The following GAREM2 variants were observed in gnomAD, a reference collection of about 807,000 sequenced individuals.
GAREM2 encodes GRB2-associated and regulator of MAPK protein 2.
A neutral mutation model predicts 55.6 loss-of-function variants in GAREM2; 30 were observed. The ratio of observed to expected loss-of-function variants is 0.54; its 90% CI spans 0.40 to 0.73. GAREM2 has a LOEUF of 0.73. Among genes scored for constraint, GAREM2 ranks in the 30% least tolerant of loss-of-function variants. The probability of loss-of-function intolerance (pLI) is 0.00; values close to 1 mark genes in which losing one functional copy is unlikely to be tolerated. For synonymous variants in GAREM2, 550 were observed against 569.1 expected, an observed-to-expected ratio of 0.97 and a Z score of 0.48; for missense variants, 1,075 against 1,257.7, an observed-to-expected ratio of 0.85 and a Z score of 2.20.
At position 26,176,345 on chromosome 2, in the gene GAREM2, G is replaced by A. The variant is rs4665830; in HGVS notation, c.114G>A (p.Gly38=). The A allele has an allele frequency of 0.71, 1,088,516 of 1,535,716 alleles. 388,805 individuals are homozygous for A. The highest frequency in any genetic ancestry group is 0.89 in the East Asian group (35,661 of 40,218). Residue 38 remains glycine (G), a splice_region_variant and synonymous_variant, in exon 2 of 6, where the codon GGG becomes GGA. Coordinates refer to ENST00000401533, the MANE Select transcript of GAREM2 (RefSeq NM_001168241.2). The part of the protein sequence containing the change: ...RLPTLACLGP[G]EYAEGVSERD... ...CTCTGTCCTCCTCCCCCTTCCCAGGGGAGTACGCCGAGGGCGTCAGTGAGC... is the reference window on the plus strand; with the variant it reads ...CTCTGTCCTCCTCCCCCTTCCCAGGAGAGTACGCCGAGGGCGTCAGTGAGC...
chr2:26,181,303 C>A, intron 2 of GAREM2: 1 of 197,344 alleles, frequency 5.1e-6, no homozygotes, highest in Non-Finnish European at 9.2e-6. Context: ...CCATCTGGGG[C>A]AGGTGGTCTG....
In GAREM2 at chr2:26,179,504, C is replaced by T. The variant is rs951813507; in HGVS notation, c.253+3020C>T. On this transcript the variant is annotated intron_variant, in intron 2 of 5. Coordinates refer to ENST00000401533, the MANE Select transcript of GAREM2 (RefSeq NM_001168241.2). The surrounding 1 kb of genome is among the most constrained non-coding windows in gnomAD (Gnocchi z 4.7). ...GGCATGGAGAAGGGTGGTCAGCAAT[C>T]CCCTGCCACAGCCCTCAGGTGCTTG... 6.6e-6 allele frequency among the ~76,000 whole-genome samples: 1 copy of T among 152,100 alleles called. No homozygotes were observed. Among genetic ancestry groups the T allele is most frequent in the Non-Finnish European group, 1.5e-5 (1 of 68,030 alleles).
the GAREM2 span, chr2:26,197,801 A>G: frequency 7.9e-4 from 916 of 1,157,108 alleles, 5 homozygotes; most frequent in African/African-American, 0.012. Flanking sequence ...GCATTTAACA[A>G]TGTGTCAGGT....
At chr2:26,191,644 G>A, downstream of GAREM2, 1 of 1,613,728 alleles carries the variant, frequency 6.2e-7, no homozygotes, top group Non-Finnish European at 8.5e-7. Flanking sequence ...AACAGAAAGA[G>A]ATGTTTAGGT....
intron 2 of GAREM2, 111 bp downstream of exon 2, chr2:26,176,595 A>C: frequency 1.9e-6 from 2 of 1,061,764 alleles, no homozygotes; most frequent in Non-Finnish European, 2.5e-6. Context: ...GATTAGGGTT[A>C]GGGTTGGAGT....
chr2:26,184,319 G>A lies in GAREM2; in HGVS notation c.471G>A (p.Ala157=). ...AGDELTLMGQ[A]EILCAKTTKE... The stretch of plus-strand genomic sequence containing the variant: ...ACGAGCTCACTCTTATGGGCCAGGC[G>A]GAGATCCTGTGCGCCAAGACCACCA... Residue 157 remains alanine (A), a synonymous_variant, in exon 4 of 6, where the codon GCG becomes GCA. Transcript: ENST00000401533. 1 of 1,550,836 alleles carries A rather than the reference G, an allele frequency of 6.4e-7. No individual in the cohort carries two copies. The highest frequency in any genetic ancestry group is 8.7e-7 in the Non-Finnish European group (1 of 1,146,772).
chr2:26,204,096 C>T, the GAREM2 span: 2 of 1,613,830 alleles, frequency 1.2e-6, no homozygotes, highest in South Asian at 1.1e-5. Context: ...CGGTCTAGCG[C>T]AGTGAGGGTG....
At chr2:26,196,476 CATATA>C in the GAREM2 span, among the ~76,000 whole-genome samples, 1 of 152,094 alleles carries the variant, frequency 6.6e-6, no homozygotes, top group Non-Finnish European at 1.5e-5. Flanking sequence ...TATATACATC[CATATA>C]ATCACTAACC....
chr2:26,195,303 C>T, the GAREM2 span: 1 of 1,266,208 alleles, frequency 7.9e-7, no homozygotes, highest in South Asian at 1.2e-5. Context: ...TCCTTCTCTG[C>T]TAGGAAAACA....
rs1022318489 is a variant in GAREM2, at chr2:26,181,976, CA to C, written c.254-983del. ...CCTGGGCGACAGCAAGACCCTGTCT[CA>C]AAAAAAACACCCAGAGGCTAAAGAG... On this transcript the variant is annotated intron_variant, in intron 2 of 5. Transcript: ENST00000401533. 5.9e-5 allele frequency: 58 copies of C among 986,522 alleles called. 1 individual carries two copies. The African/African-American group carries it at 8.9e-4, about 15-fold the overall frequency. The allele number at this position is 986,522 out of a possible 1,614,324, so 61.1% of individuals were successfully genotyped here.
chr2:26,186,476 G>A, intron 5 of GAREM2, 118 bp downstream of exon 5: 1 of 973,750 alleles, frequency 1.0e-6, no homozygotes, highest in East Asian at 2.7e-5. Context: ...AGATTCCCGA[G>A]GGTGCAGCTC....
At chr2:26,203,747 G>C in the GAREM2 span, among the ~76,000 whole-genome samples, 2 of 152,146 alleles carry the variant, frequency 1.3e-5, no homozygotes, top group African/African-American at 2.4e-5. Context: ...GGCCTGATAC[G>C]AAAGTGTAAA....
intron 1 of GAREM2, among the ~76,000 whole-genome samples, chr2:26,173,699 GCCTCTCACCTCTGT>G (rs1668772863): frequency 6.6e-6 from 1 of 151,722 alleles, no homozygotes; most frequent in Non-Finnish European, 1.5e-5. Context: ...TTTGTCCCTG[GCCTCTCACCTCTGT>G]CTTCCCTCAT....
chr2:26,200,327 T>G, the GAREM2 span, among the ~76,000 whole-genome samples: 2 of 152,158 alleles, frequency 1.3e-5, no homozygotes, highest in East Asian at 3.9e-4. Context: ...TCCTACCTCA[T>G]CCCTGAATTA....
the GAREM2 span, among the ~76,000 whole-genome samples, chr2:26,200,574 C>G: frequency 8.1e-4 from 123 of 152,298 alleles, no homozygotes; most frequent in Middle Eastern, 3.4e-3. Flanking sequence ...AAGCATCTGG[C>G]TATACTCTGT....
downstream of GAREM2, chr2:26,191,533 T>A: frequency 6.2e-7 from 1 of 1,614,134 alleles, no homozygotes; most frequent in Non-Finnish European, 8.5e-7. Context: ...GATGTCTCCC[T>A]CTGCAGGTGT....
At chr2:26,190,740 T>A (rs13432453), downstream of GAREM2, 6,702 of 200,956 alleles carry the variant, frequency 0.033, 461 homozygotes, top group African/African-American at 0.14. Context: ...CAGGTCCCAC[T>A]TTCTCTCATC....
At position 26,181,150 on chromosome 2, in the gene GAREM2, C is replaced by T. The variant is rs144481016; in HGVS notation, c.254-1817C>T. On this transcript the variant is annotated intron_variant, in intron 2 of 5. Transcript: ENST00000401533. Reference sequence around the variant, plus strand: ...GAACCTGGATCATGGTATTTCTTTGCTCGAAACACTCCAGTGGGTCTCATG... The same window carrying T: ...GAACCTGGATCATGGTATTTCTTTGTTCGAAACACTCCAGTGGGTCTCATG... 1.6e-4 allele frequency: 155 copies of T among 982,988 alleles called. No individual in the cohort carries two copies. The African/African-American group carries it at 2.5e-3, about 16-fold the overall frequency. 60.9% of individuals were successfully genotyped at this position (982,988 alleles called of 1,614,324 possible). A position where few individuals can be genotyped will look rare whatever the true frequency, so the allele number is the denominator to read the frequency against.
At chr2:26,187,101 G>A (rs1669287442) in intron 5 of GAREM2, 130 bp from the exon 6 acceptor site, 1 of 1,275,060 alleles carries the variant, frequency 7.8e-7, no homozygotes, top group Admixed American at 4.1e-5. Context: ...GAGGGTCTTG[G>A]GCTGGGGCTG....
Sources: gnomAD v4.1 joint callset for allele counts (sites outside exome capture counted in the v4.1 genomes callset) on GRCh38, gnomAD v4.1.1 for gene constraint, Gnocchi (gnomAD v3.1) non-coding constraint, MANE v1.5 for transcripts, NCBI Gene and HGNC (gene_info 2026-07-23, HGNC 2026-07-21) for gene names.